DLGAP5: variants seen among roughly 807,000 people sequenced by gnomAD.
DLGAP5 encodes the protein DLG associated protein 5, also known as disks large-associated protein 5.
DLGAP5 carries 90 observed loss-of-function variants against 99.6 expected under a neutral mutation model. The ratio of observed to expected loss-of-function variants is 0.90; its 90% CI spans 0.76 to 1.08. The LOEUF is 1.08. Ranked by LOEUF, DLGAP5 falls within the 50% of genes least tolerant of loss-of-function variation. The pLI is 0.00. For synonymous variants in DLGAP5, 311 were observed against 321.3 expected, an observed-to-expected ratio of 0.97 and a Z score of 0.34; for missense variants, 1,036 against 983.5, an observed-to-expected ratio of 1.05 and a Z score of -0.71.
Position 55,148,387 on chromosome 14 carries a change from C to A in DLGAP5, c.2505G>T (p.Leu835=). 1 of 1,614,026 alleles carries A rather than the reference C, an allele frequency of 6.2e-7. No individual in the cohort carries two copies. The highest frequency in any genetic ancestry group is 1.1e-5 in the South Asian group (1 of 91,052). The change falls in exon 19 of 19, where the codon CTG becomes CTT. Residue 835 remains leucine, a synonymous_variant. Coordinates refer to ENST00000247191, the MANE Select transcript of DLGAP5 (RefSeq NM_014750.5). ...CTGGTTGTAGAGGTGAAAAAGTAAT[C>A]AGGTTACCACCAAAAGAAATGTGTC... ...HARHISFGGN[L]ITFSPLQPGE...
intron 8 of DLGAP5, 29 bp downstream of exon 8, chr14:55,177,033 G>T: frequency 1.2e-6 from 1 of 866,942 alleles, no homozygotes; most frequent in Non-Finnish European, 1.6e-6. Context: ...ATCTTAGCAA[G>T]AGACTTATTA....
chr14:55,166,239 T>C (rs1435618007), intron 12 of DLGAP5, among the ~76,000 whole-genome samples: 1 of 152,090 alleles, frequency 6.6e-6, no homozygotes, highest in African/African-American at 2.4e-5. Flanking sequence ...CAAGCTACAA[T>C]ATGGATAAAA....
chr14:55,168,614 T>G (rs1217019859), intron 12 of DLGAP5, among the ~76,000 whole-genome samples: 2 of 152,180 alleles, frequency 1.3e-5, no homozygotes, highest in African/African-American at 2.4e-5. Context: ...ACTTCTTCTA[T>G]CACAGCAATT....
intron 10 of DLGAP5, among the ~76,000 whole-genome samples, chr14:55,171,013 G>A (rs1450524969): frequency 6.6e-6 from 1 of 152,116 alleles, no homozygotes; most frequent in African/African-American, 2.4e-5. Flanking sequence ...TTATGTGGCT[G>A]GATAATACCA....
chr14:55,185,096 G>A (rs991713929), intron 2 of DLGAP5, among the ~76,000 whole-genome samples: 6 of 152,010 alleles, frequency 3.9e-5, no homozygotes, highest in African/African-American at 7.3e-5. Flanking sequence ...ACAAGCATGC[G>A]GTAATTTCTC....
Position 55,183,559 on chromosome 14 carries a change from C to A in DLGAP5, c.432+1G>T. On this transcript the variant is annotated splice_donor_variant, in intron 3 of 18. Coordinates refer to ENST00000247191, the MANE Select transcript of DLGAP5 (RefSeq NM_014750.5). LOFTEE classifies it high-confidence loss of function. ...CCTTTATATTAAGACACTAAATTTA[C>A]CTTTTTTGGCTCAGCTTTCACAGCA... 6.5e-7 allele frequency: 1 copy of A among 1,546,110 alleles called. No individual in the cohort carries two copies. Among genetic ancestry groups the A allele is most frequent in the Non-Finnish European group, 8.7e-7 (1 of 1,153,816 alleles).
chr14:55,190,402 T>C (rs1883573969), intron 1 of DLGAP5, among the ~76,000 whole-genome samples: 6 of 151,648 alleles, frequency 4.0e-5, no homozygotes, highest in Admixed American at 3.9e-4. Context: ...AAGAGGACAA[T>C]AAAGACGACG....
At chr14:55,174,751 T>G (rs1490235648) in intron 10 of DLGAP5, among the ~76,000 whole-genome samples, 1 of 151,504 alleles carries the variant, frequency 6.6e-6, no homozygotes, top group Non-Finnish European at 1.5e-5. Context: ...AGTGCAGTGG[T>G]GCAATCTTGG....
intron 14 of DLGAP5, among the ~76,000 whole-genome samples, chr14:55,155,020 G>A (rs1344733679): frequency 3.9e-5 from 6 of 151,954 alleles, no homozygotes; most frequent in Non-Finnish European, 5.9e-5. Flanking sequence ...CATGAACAGA[G>A]ATAATTTTTT....
chr14:55,179,793 T>G, intron 6 of DLGAP5, 94 bp from the exon 7 acceptor site: 3 of 987,384 alleles, frequency 3.0e-6, no homozygotes, highest in Non-Finnish European at 4.5e-6. Context: ...ACAGTAGGAA[T>G]ATATGTCTTG....
At position 55,150,794 on chromosome 14, in the gene DLGAP5, C is replaced by T. The variant is rs1357403212; in HGVS notation, c.2418+5G>A. 1 of 1,568,202 alleles carries T rather than the reference C, an allele frequency of 6.4e-7. No individual in the cohort carries two copies. Among genetic ancestry groups the T allele is most frequent in the Middle Eastern group, 1.7e-4 (1 of 5,900 alleles). On this transcript the variant is annotated splice_donor_5th_base_variant and intron_variant, in intron 18 of 18. Coordinates refer to ENST00000247191, the MANE Select transcript of DLGAP5 (RefSeq NM_014750.5). The stretch of plus-strand genomic sequence containing the variant: ...TAAAGGGACTTGTCAAGTTGGAAAA[C>T]TTACTGAATCAAGAAGGTGGCATTC...
chr14:55,176,716 C>T, intron 8 of DLGAP5, among the ~76,000 whole-genome samples: 1 of 151,972 alleles, frequency 6.6e-6, no homozygotes, highest in Non-Finnish European at 1.5e-5. Context: ...CGGTGGCTCA[C>T]GCCTGTAATC....
In DLGAP5 at chr14:55,181,288, C is replaced by G. The variant is rs1348319739; in HGVS notation, c.505G>C (p.Glu169Gln). The G allele has an allele frequency of 6.2e-7, 1 of 1,613,808 alleles. No homozygotes were observed. The highest frequency in any genetic ancestry group is 8.5e-7 in the Non-Finnish European group (1 of 1,179,804). ...DQMEQTKIDN[E>Q]SDVRAIRPGP... ...GGTCGGATTGCTCGAACATCACTCT[C>G]GTTATCAATCTATTTAAGAGATTAG... is the stretch of plus-strand genomic sequence containing the variant. Residue 169 changes from glutamate to glutamine, a missense_variant, in exon 5 of 19, where the codon GAG (glutamate) becomes CAG (glutamine). Coordinates refer to ENST00000247191, the MANE Select transcript of DLGAP5 (RefSeq NM_014750.5).
Position 55,150,839 on chromosome 14 carries a change from T to A in DLGAP5, c.2378A>T (p.Asp793Val). ...ETKISQSELF[D>V]NKSLTTECHL... The stretch of plus-strand genomic sequence containing the variant: ...GCATTCAGTAGTGAGACTTTTATTA[T>A]CAAATAGTTCTGAAAAACAACAAAA... Residue 793 changes from aspartate to valine, a missense_variant, in exon 18 of 19, where the codon GAT becomes GTT. Transcript: ENST00000247191. The A allele has an allele frequency of 6.3e-7, 1 of 1,581,486 alleles. No homozygotes were observed. The highest frequency in any genetic ancestry group is 8.5e-7 in the Non-Finnish European group (1 of 1,169,686).
At chr14:55,175,833 G>A in intron 9 of DLGAP5, 61 bp downstream of exon 9, 2 of 1,412,980 alleles carry the variant, frequency 1.4e-6, no homozygotes, top group Non-Finnish European at 1.9e-6. Context: ...ATACCTGAAA[G>A]CAAAATATTT....
At chr14:55,165,359 A>G (rs1211416545) in intron 12 of DLGAP5, among the ~76,000 whole-genome samples, 1 of 151,932 alleles carries the variant, frequency 6.6e-6, no homozygotes, top group Non-Finnish European at 1.5e-5. Context: ...CCACCTCTAC[A>G]AAAAAATATA....
intron 12 of DLGAP5, among the ~76,000 whole-genome samples, chr14:55,168,232 C>T (rs1436782157): frequency 6.6e-6 from 1 of 152,148 alleles, no homozygotes; most frequent in Non-Finnish European, 1.5e-5. Flanking sequence ...GGATTACAGG[C>T]TTGAGCCACT....
At chr14:55,177,606 C>T (rs1015685764) in intron 7 of DLGAP5, among the ~76,000 whole-genome samples, 9 of 151,366 alleles carry the variant, frequency 5.9e-5, no homozygotes, top group Admixed American at 2.0e-4. Flanking sequence ...CGCGCGATCT[C>T]GGCTCCCTGC....
chr14:55,176,290 T>C (rs1883059831), intron 8 of DLGAP5, among the ~76,000 whole-genome samples: 2 of 152,212 alleles, frequency 1.3e-5, no homozygotes, highest in African/African-American at 4.8e-5. Flanking sequence ...CAGTTTTTAG[T>C]ATATTTGCTG....
Sources: allele counts gnomAD v4.1 joint callset (sites outside exome capture counted in the v4.1 genomes callset), GRCh38; gene constraint gnomAD v4.1.1; transcripts MANE v1.5; gene names NCBI Gene and HGNC (gene_info 2026-07-23, HGNC 2026-07-21).